Variants in TRAK1 observed in about 807,000 individuals in gnomAD.
The protein encoded by TRAK1 is trafficking kinesin protein 1, also known as trafficking kinesin-binding protein 1.
In TRAK1, 33 loss-of-function variants were observed where a neutral mutation model predicts 92.1. The ratio of observed to expected loss-of-function variants is 0.36; its 90% CI spans 0.27 to 0.48. The LOEUF is 0.48. TRAK1 is among the 20% of genes least tolerant of loss of function. The pLI, the probability that TRAK1 is intolerant of heterozygous loss-of-function variation, is 0.99. For missense variants in TRAK1, 1,123 were observed against 1,257.9 expected, an observed-to-expected ratio of 0.89 and a Z score of 1.62; for synonymous variants, 521 against 517.3, an observed-to-expected ratio of 1.01 and a Z score of -0.10.
Position 42,223,897 on chromosome 3 carries a change from T to C in TRAK1, c.*160T>C. On this transcript the variant is annotated 3_prime_UTR_variant, in exon 16 of 16. Coordinates refer to ENST00000327628, the MANE Select transcript of TRAK1 (RefSeq NM_001042646.3). This position sits in a 1 kb window ranked among gnomAD's most constrained non-coding sequence, Gnocchi z 6.1. ...AACCTCGTGCCTAATGGAGGAAGTG[T>C]GGAAACTTTGTAAAATGTGTACATA... 1.2e-6 allele frequency: 1 copy of C among 828,376 alleles called. No homozygotes were observed. Among genetic ancestry groups the C allele is most frequent in the Non-Finnish European group, 1.9e-6 (1 of 529,118 alleles). The allele number at this position is 828,376 out of a possible 1,614,324, so 51.3% of individuals were successfully genotyped here.
At chr3:42,020,896 G>A (rs949241455) in intron 1 of TRAK1, among the ~76,000 whole-genome samples, 1 of 152,158 alleles carries the variant, frequency 6.6e-6, no homozygotes, top group African/African-American at 2.4e-5. Context: ...GACAGTTATA[G>A]TATCAAGGGG....
chr3:42,070,049 A>G (rs893076382), intron 1 of TRAK1, among the ~76,000 whole-genome samples: 20 of 151,594 alleles, frequency 1.3e-4, no homozygotes, highest in African/African-American at 4.4e-4. Flanking sequence ...ACAGGGTTTC[A>G]CCATGTTGGC....
intron 1 of TRAK1, among the ~76,000 whole-genome samples, chr3:42,022,492 CGGGTGGA>C (rs1003267152): frequency 1.1e-3 from 164 of 152,186 alleles, no homozygotes; most frequent in African/African-American, 3.8e-3. Flanking sequence ...GAGGCCAAGG[CGGGTGGA>C]TTGCTTTAGC....
intron 13 of TRAK1, chr3:42,203,381 G>A (rs1178580344): frequency 1.0e-6 from 1 of 985,694 alleles, no homozygotes; most frequent in East Asian, 1.1e-4. Context: ...TTGTACCTCC[G>A]TAAGCCACCC....
chr3:42,198,933 G>A (rs749873625), intron 10 of TRAK1, among the ~76,000 whole-genome samples: 1 of 152,080 alleles, frequency 6.6e-6, no homozygotes, highest in Non-Finnish European at 1.5e-5. Flanking sequence ...ACACCTAATG[G>A]CATATGAGTC....
chr3:42,077,845 T>G (rs1704227788), intron 1 of TRAK1, among the ~76,000 whole-genome samples: 1 of 152,254 alleles, frequency 6.6e-6, no homozygotes, highest in African/African-American at 2.4e-5. Context: ...TAGGAGCCTT[T>G]GGACAGAGAC....
intron 1 of TRAK1, among the ~76,000 whole-genome samples, chr3:42,108,535 G>T (rs1023336032): frequency 1.3e-4 from 19 of 147,448 alleles, no homozygotes; most frequent in Non-Finnish European, 2.7e-4. Context: ...TTCAACATTA[G>T]CATTCCCTAA....
intron 3 of TRAK1, among the ~76,000 whole-genome samples, chr3:42,182,916 A>G (rs540001097): frequency 1.7e-4 from 26 of 152,322 alleles, no homozygotes; most frequent in Middle Eastern, 6.8e-3. Context: ...AGAATATCTC[A>G]GCTAGCCTGC....
rs1710674386 is a variant in TRAK1, at chr3:42,225,189, A to G, written c.*1452A>G. ...CATGTGACTTATTTATTCTAATTTG[A>G]GGGCTGCACTGTACACCATGGTGTC... On this transcript the variant is annotated 3_prime_UTR_variant, in exon 16 of 16. Coordinates refer to ENST00000327628, the MANE Select transcript of TRAK1 (RefSeq NM_001042646.3). 1 of 152,144 alleles carries G rather than the reference A, an allele frequency of 6.6e-6. No individual in the cohort carries two copies. The highest frequency in any genetic ancestry group is 2.4e-5 in the African/African-American group (1 of 41,434). The allele number at this position is 152,144 out of a possible 1,614,324, so 9.4% of individuals were successfully genotyped here. A position where few individuals can be genotyped will look rare whatever the true frequency, so the allele number is the denominator to read the frequency against.
intron 2 of TRAK1, chr3:42,160,476 A>C (rs763082922): frequency 1.2e-6 from 2 of 1,613,968 alleles, no homozygotes; most frequent in African/African-American, 2.7e-5. Flanking sequence ...GGAAGAGGGT[A>C]AATTCTGTAC....
chr3:42,164,282 G>C (rs1701618496), intron 2 of TRAK1, among the ~76,000 whole-genome samples: 1 of 152,174 alleles, frequency 6.6e-6, no homozygotes, highest in South Asian at 2.1e-4. Flanking sequence ...AGGTGCTTTT[G>C]GTTGAAATCT....
intron 1 of TRAK1, among the ~76,000 whole-genome samples, chr3:42,110,129 T>TATATATATATATATATATATATATAA (rs1553719444): frequency 1.6e-5 from 2 of 128,500 alleles, no homozygotes; most frequent in African/African-American, 5.8e-5. Flanking sequence ...TATATATATA[T>TATATATATATATATATATATATATAA]ATAAACTTTG....
At chr3:42,157,323 G>A (rs1700651260) in intron 2 of TRAK1, among the ~76,000 whole-genome samples, 1 of 151,332 alleles carries the variant, frequency 6.6e-6, no homozygotes, top group African/African-American at 2.4e-5. Context: ...GCGAGGCATG[G>A]TGGCATGTGC....
chr3:42,134,926 TGCA>T (rs1313433364), intron 2 of TRAK1, among the ~76,000 whole-genome samples: 1 of 151,164 alleles, frequency 6.6e-6, no homozygotes, highest in Non-Finnish European at 1.5e-5. Context: ...CAGGCTGGAG[TGCA>T]GTGGCATTAA....
chr3:42,136,744 G>A (rs969890313), intron 2 of TRAK1, among the ~76,000 whole-genome samples: 3 of 151,882 alleles, frequency 2.0e-5, no homozygotes, highest in Non-Finnish European at 2.9e-5. Flanking sequence ...GTGCAGTGGC[G>A]TGTTCTTGGC....
At chr3:42,211,030 A>C (rs1399809590) in intron 14 of TRAK1, 8 of 985,380 alleles carry the variant, frequency 8.1e-6, no homozygotes, top group Non-Finnish European at 9.6e-6. Context: ...TTGGGAAGGC[A>C]AAGCTTTTGT....
chr3:42,046,134 C>A (rs1344404141), intron 1 of TRAK1, among the ~76,000 whole-genome samples: 1 of 152,004 alleles, frequency 6.6e-6, no homozygotes, highest in South Asian at 2.1e-4. Context: ...TATGTCAGGC[C>A]GGTATCTAAG....
At chr3:42,157,872 A>G (rs1451755445) in intron 2 of TRAK1, among the ~76,000 whole-genome samples, 3 of 152,190 alleles carry the variant, frequency 2.0e-5, no homozygotes, top group Non-Finnish European at 2.9e-5. Context: ...AAGAGAAAGT[A>G]AATGTAGTAA....
At chr3:42,201,990 A>T (rs146651373) in intron 12 of TRAK1, among the ~76,000 whole-genome samples, 4 of 151,886 alleles carry the variant, frequency 2.6e-5, no homozygotes, top group African/African-American at 9.7e-5. Context: ...CTTCCGGACC[A>T]GTTGGAACAG....
Sources: gnomAD v4.1 joint callset for allele counts (sites outside exome capture counted in the v4.1 genomes callset) on GRCh38, gnomAD v4.1.1 for gene constraint, Gnocchi (gnomAD v3.1) non-coding constraint, MANE v1.5 for transcripts, NCBI Gene and HGNC (gene_info 2026-07-23, HGNC 2026-07-21) for gene names.